ADAMTS2: variants seen among roughly 807,000 people sequenced by gnomAD.
ADAMTS2 encodes the protein A disintegrin and metalloproteinase with thrombospondin motifs 2.
ADAMTS2 carries 50 observed loss-of-function variants against 123.0 expected under a neutral mutation model. The observed-to-expected ratio is 0.41, with a 90% CI of 0.32 to 0.51. The LOEUF is 0.51. ADAMTS2 is among the 20% of genes least tolerant of loss of function. ADAMTS2 has a pLI of 0.35. For synonymous variants in ADAMTS2, 678 were observed against 695.4 expected (o/e 0.98, Z 0.39); for missense variants, 1,494 against 1,705.2 (o/e 0.88, Z 2.18).
At position 179,114,255 on chromosome 5, in the gene ADAMTS2, G is replaced by A. The variant is rs1161509930; in HGVS notation, c.3248C>T (p.Pro1083Leu). ...CTTGCAGCACAGCTTGTTGTAGCCT[G>A]GGATGGAGCAATAGCGGGACAAGAC... ...MEVLSRYCSI[P>L]GYNKLCCKSC... Residue 1083 changes from proline (P) to leucine (L), a missense_variant, in exon 22 of 22, where the codon CCA becomes CTA. Pro to Leu is a moderately conservative substitution (Grantham distance 98, BLOSUM62 -3). This residue lies in a region of ADAMTS2 where 953 missense variants were observed against 1,124.7 expected (regional missense o/e 0.85). Transcript: ENST00000251582. The A allele has an allele frequency of 4.3e-6, 7 of 1,614,050 alleles. No individual in the cohort carries two copies. In the African/African-American group the frequency reaches 8.0e-5, roughly 18 times the overall value.
rs538620829 is a variant in ADAMTS2, at chr5:179,274,375, C to T, written c.535-1311G>A. ...TAAGAAACAGGAGAGTTCACATAAA[C>T]GACCAGATTTCCAGACTCTCTTGAA... On this transcript the variant is annotated intron_variant, in intron 2 of 21. Transcript: ENST00000251582. Among the ~76,000 whole-genome samples the T allele has an allele frequency of 5.3e-5, 8 of 152,352 alleles. No individual in the cohort carries two copies. The South Asian group carries it at 1.7e-3, about 32-fold the overall frequency.
At chr5:179,160,130 A>G (rs1763566572) in intron 5 of ADAMTS2, among the ~76,000 whole-genome samples, 1 of 152,182 alleles carries the variant, frequency 6.6e-6, no homozygotes, top group Non-Finnish European at 1.5e-5. Context: ...TGTATCCACA[A>G]AGTAGAGCCA....
rs576877021 is a variant in ADAMTS2 at position 179,192,828 on chromosome 5, G to A, written c.892-11673C>T. 1.1e-4 allele frequency among the ~76,000 whole-genome samples: 17 copies of A among 152,224 alleles called. No homozygotes were observed. The East Asian group carries it at 1.7e-3, about 16-fold the overall frequency. On this transcript the variant is annotated intron_variant, in intron 4 of 21. Transcript: ENST00000251582. The stretch of plus-strand genomic sequence containing the variant: ...CCTGGCACCATCGTGATCTCCAGTC[G>A]CCTTCGTTTGTTAGCTGTCTGTCCG...
Position 179,185,015 on chromosome 5 carries a change from G to A in ADAMTS2, c.892-3860C>T, listed in dbSNP as rs140296836. The stretch of plus-strand genomic sequence containing the variant: ...GGTAGCTCAGCAAAGCAGGGATGGC[G>A]CTCCTGGCAGAGGAGGCAGCCCATG... On this transcript the variant is annotated intron_variant, in intron 4 of 21. Coordinates refer to ENST00000251582, the MANE Select transcript of ADAMTS2 (RefSeq NM_014244.5). This position sits in a 1 kb window ranked among gnomAD's most constrained non-coding sequence, Gnocchi z 5.9. Among the ~76,000 whole-genome samples, 626 of 152,272 alleles carry A rather than the reference G, an allele frequency of 4.1e-3. 7 individuals are homozygous for A. The highest frequency in any genetic ancestry group is 0.014 in the African/African-American group (595 of 41,552).
At chr5:179,229,986 C>T (rs917682140) in intron 3 of ADAMTS2, among the ~76,000 whole-genome samples, 3 of 152,196 alleles carry the variant, frequency 2.0e-5, no homozygotes, top group African/African-American at 7.2e-5. Flanking sequence ...TACATCCCTG[C>T]GCCTTGGCAC....
intron 2 of ADAMTS2, among the ~76,000 whole-genome samples, chr5:179,294,481 C>T (rs947316752): frequency 6.6e-6 from 1 of 152,228 alleles, no homozygotes; most frequent in Non-Finnish European, 1.5e-5. Flanking sequence ...GTGCCAGGAT[C>T]AACCCGACCC....
chr5:179,198,226 C>T (rs1172009261), intron 4 of ADAMTS2, among the ~76,000 whole-genome samples: 1 of 152,198 alleles, frequency 6.6e-6, no homozygotes, highest in Non-Finnish European at 1.5e-5. Flanking sequence ...GTGGAGGCTG[C>T]AGGCTGAGCC....
At chr5:179,341,864 C>T (rs759659549) in intron 2 of ADAMTS2, among the ~76,000 whole-genome samples, 14 of 152,212 alleles carry the variant, frequency 9.2e-5, no homozygotes, top group Admixed American at 2.6e-4. Context: ...GTACATGGGA[C>T]ACTTCAGCAG....
chr5:179,134,137 T>C (rs978624331), intron 13 of ADAMTS2, among the ~76,000 whole-genome samples: 1 of 152,224 alleles, frequency 6.6e-6, no homozygotes, highest in Non-Finnish European at 1.5e-5. Context: ...TGAAGCTACT[T>C]GTACTACAAC....
At chr5:179,127,894 A>G (rs1383375137) in intron 17 of ADAMTS2, 65 bp downstream of exon 17, 2 of 1,601,872 alleles carry the variant, frequency 1.2e-6, no homozygotes, top group Non-Finnish European at 1.7e-6. Context: ...CACCCCAGGG[A>G]TGCTCCCTAC....
At chr5:179,176,979 C>T (rs949456706) in intron 5 of ADAMTS2, among the ~76,000 whole-genome samples, 2 of 152,140 alleles carry the variant, frequency 1.3e-5, no homozygotes, top group Admixed American at 1.3e-4. Context: ...CACTTCCTCC[C>T]GTTGCTTTTC....
intron 4 of ADAMTS2, among the ~76,000 whole-genome samples, chr5:179,191,681 GC>G (rs1764310040): frequency 6.6e-6 from 1 of 152,092 alleles, no homozygotes; most frequent in Non-Finnish European, 1.5e-5. Flanking sequence ...TGGAGCCGGA[GC>G]CCTATCCCTA....
At chr5:179,141,503 A>G (rs1581149171) in intron 10 of ADAMTS2, among the ~76,000 whole-genome samples, 1 of 152,338 alleles carries the variant, frequency 6.6e-6, no homozygotes, top group South Asian at 2.1e-4. Flanking sequence ...AGTTTTTAAA[A>G]AGCAGCCATT....
intron 3 of ADAMTS2, among the ~76,000 whole-genome samples, chr5:179,266,747 G>A (rs1237438320): frequency 3.9e-5 from 6 of 152,140 alleles, no homozygotes; most frequent in African/African-American, 1.4e-4. Context: ...CAAAGCACAC[G>A]GCCCTCCTGC....
chr5:179,125,294 C>A, intron 18 of ADAMTS2, 114 bp from the exon 19 acceptor site: 2 of 885,620 alleles, frequency 2.3e-6, no homozygotes, highest in Non-Finnish European at 3.7e-6. Flanking sequence ...CAGAGGGCAG[C>A]CTGCACCCCT....
At chr5:179,248,828 A>G (rs1218507854) in intron 3 of ADAMTS2, among the ~76,000 whole-genome samples, 2 of 152,148 alleles carry the variant, frequency 1.3e-5, no homozygotes, top group Non-Finnish European at 2.9e-5. Context: ...AAATGGATAA[A>G]ACAACCGGCA....
chr5:179,140,068 C>A, intron 10 of ADAMTS2, 33 bp from the exon 11 acceptor site: 1 of 1,613,348 alleles, frequency 6.2e-7, no homozygotes, highest in Non-Finnish European at 8.5e-7. Context: ...CTCCACTCAC[C>A]CTCACACCGG....
At position 179,272,370 on chromosome 5, in the gene ADAMTS2, G is replaced by A. The variant is rs1766560448; in HGVS notation, c.688+541C>T. ...TGGGAGCACCTCCAGAGTCCTTGTA[G>A]GGCACATGCCTCCAGGGATCCAGAA... is the stretch of plus-strand genomic sequence containing the variant. On this transcript the variant is annotated intron_variant, in intron 3 of 21. Transcript: ENST00000251582. The surrounding 1 kb of genome is among the most constrained non-coding windows in gnomAD (Gnocchi z 5.8). 6.6e-6 allele frequency among the ~76,000 whole-genome samples: 1 copy of A among 152,218 alleles called. No homozygotes were observed. The highest frequency in any genetic ancestry group is 2.4e-5 in the African/African-American group (1 of 41,464).
intron 4 of ADAMTS2, among the ~76,000 whole-genome samples, chr5:179,204,949 C>T (rs944770379): frequency 1.3e-5 from 2 of 152,366 alleles, no homozygotes; most frequent in East Asian, 1.9e-4. Flanking sequence ...ACAACAGACA[C>T]GGCCCAAATA....
Sources: gnomAD v4.1 joint callset for allele counts (sites outside exome capture counted in the v4.1 genomes callset) on GRCh38, gnomAD v4.1.1 for gene constraint, gnomAD v4.1.1 regional missense constraint, Gnocchi (gnomAD v3.1) non-coding constraint, MANE v1.5 for transcripts, NCBI Gene and HGNC (gene_info 2026-07-23, HGNC 2026-07-21) for gene names.